The following GULP1 variants were observed in gnomAD, a reference collection of about 807,000 sequenced individuals.
GULP1 encodes PTB domain-containing engulfment adapter protein 1.
In GULP1, 19 loss-of-function variants were observed where a neutral mutation model predicts 40.9. That is an observed-to-expected ratio of 0.46 (90% confidence interval 0.32 to 0.68). GULP1 has a LOEUF of 0.68. Ranked by LOEUF, GULP1 falls within the 30% of genes least tolerant of loss-of-function variation. GULP1 has a pLI of 0.03. For synonymous variants in GULP1, 119 were observed against 117.6 expected (o/e 1.01, Z -0.08); for missense variants, 312 against 362.2 (o/e 0.86, Z 1.12).
intron 2 of GULP1, among the ~76,000 whole-genome samples, chr2:188,442,674 G>C (rs187509886): frequency 3.3e-5 from 5 of 152,264 alleles, no homozygotes; most frequent in African/African-American, 1.2e-4. Flanking sequence ...ATCCAACTCT[G>C]TTTCCTCATC....
chr2:188,443,501 T>C (rs1450092553), intron 2 of GULP1, among the ~76,000 whole-genome samples: 3 of 152,162 alleles, frequency 2.0e-5, no homozygotes, highest in Non-Finnish European at 4.4e-5. Context: ...AGTTTAATGA[T>C]TGACCCTCGA....
chr2:188,538,816 A>G (rs1309137997), intron 6 of GULP1, among the ~76,000 whole-genome samples: 1 of 152,046 alleles, frequency 6.6e-6, no homozygotes, highest in East Asian at 1.9e-4. Context: ...GGACATATAC[A>G]TAAGTGACAC....
At chr2:188,409,205 A>G (rs2053546643) in intron 2 of GULP1, among the ~76,000 whole-genome samples, 1 of 152,180 alleles carries the variant, frequency 6.6e-6, no homozygotes, top group Non-Finnish European at 1.5e-5. Context: ...TTGTTTGTAG[A>G]AAAGCAAAAT....
intron 1 of GULP1, among the ~76,000 whole-genome samples, chr2:188,314,130 T>C (rs1020125592): frequency 9.9e-5 from 15 of 152,210 alleles, no homozygotes; most frequent in South Asian, 4.1e-4. Context: ...GTGGATTCTT[T>C]TGAATTTTCT....
chr2:188,487,565 T>C (rs927880271), intron 4 of GULP1, among the ~76,000 whole-genome samples: 4 of 151,954 alleles, frequency 2.6e-5, no homozygotes, highest in Non-Finnish European at 5.9e-5. Flanking sequence ...GGAAGAAAAG[T>C]ACATAATGAT....
intron 1 of GULP1, among the ~76,000 whole-genome samples, chr2:188,320,278 C>T (rs996903519): frequency 1.2e-4 from 18 of 152,058 alleles, no homozygotes; most frequent in African/African-American, 4.3e-4. Flanking sequence ...AGGTGGCTAT[C>T]CCTGAAACAT....
At chr2:188,557,571 C>T (rs367702129) in intron 7 of GULP1, among the ~76,000 whole-genome samples, 2 of 152,224 alleles carry the variant, frequency 1.3e-5, no homozygotes, top group South Asian at 2.1e-4. Context: ...GTGGCTTTGC[C>T]ATTAAGGTTC....
chr2:188,521,103 C>T (rs1324578274), intron 4 of GULP1, among the ~76,000 whole-genome samples: 1 of 151,768 alleles, frequency 6.6e-6, no homozygotes, highest in Non-Finnish European at 1.5e-5. Flanking sequence ...TCGTGAATCT[C>T]TTTGGTCTTA....
chr2:188,401,984 C>T (rs1320492568), intron 2 of GULP1, among the ~76,000 whole-genome samples: 9 of 152,138 alleles, frequency 5.9e-5, no homozygotes, highest in Non-Finnish European at 8.8e-5. Context: ...ATTAAATCTA[C>T]TTTACATATC....
intron 6 of GULP1, among the ~76,000 whole-genome samples, chr2:188,533,890 C>T (rs1688213313): frequency 6.6e-6 from 1 of 152,108 alleles, no homozygotes; most frequent in Non-Finnish European, 1.5e-5. Flanking sequence ...AAATGCTCCG[C>T]ATCACTAATC....
intron 7 of GULP1, among the ~76,000 whole-genome samples, chr2:188,562,503 G>A (rs1266211021): frequency 1.3e-5 from 2 of 152,104 alleles, no homozygotes; most frequent in Non-Finnish European, 2.9e-5. Context: ...GTGCCAAGAT[G>A]TATTTATGAA....
At position 188,400,820 on chromosome 2, in the gene GULP1, A is replaced by G. The variant is rs144193019; in HGVS notation, c.-45+16931A>G. 3.0e-3 allele frequency among the ~76,000 whole-genome samples: 464 copies of G among 152,210 alleles called. 1 individual carries two copies. The highest frequency in any genetic ancestry group is 6.8e-3 in the Middle Eastern group (2 of 294). On this transcript the variant is annotated intron_variant, in intron 2 of 11. Coordinates refer to ENST00000409830, the MANE Select transcript of GULP1 (RefSeq NM_016315.4). ...AATGGGCTTTGTGTGAATTAGAGAC[A>G]AAGGATGCTAGAGGAATCACATGTA...
At position 188,568,118 on chromosome 2, in the gene GULP1, TA is replaced by T. The variant is rs529115573; in HGVS notation, c.400-1117del. Among the ~76,000 whole-genome samples the T allele has an allele frequency of 1.6e-4, 25 of 152,242 alleles. No individual in the cohort carries two copies. In the East Asian group the frequency reaches 4.6e-3, roughly 28 times the overall value. ...CTAGGTTAAATACTATATTTTTGTC[TA>T]AAACCCTCCTTAAATAATGAACTAT... On this transcript the variant is annotated intron_variant, in intron 7 of 11. Coordinates refer to ENST00000409830, the MANE Select transcript of GULP1 (RefSeq NM_016315.4).
intron 4 of GULP1, among the ~76,000 whole-genome samples, chr2:188,509,725 A>G (rs1327237598): frequency 1.3e-5 from 2 of 152,102 alleles, no homozygotes; most frequent in Admixed American, 1.3e-4. Flanking sequence ...TTACAGCTAG[A>G]AAACTACGCT....
intron 1 of GULP1, among the ~76,000 whole-genome samples, chr2:188,357,780 A>G (rs2045549166): frequency 6.6e-6 from 1 of 152,200 alleles, no homozygotes; most frequent in African/African-American, 2.4e-5. Flanking sequence ...AGATATGTCC[A>G]TTAACAATAG....
intron 7 of GULP1, among the ~76,000 whole-genome samples, chr2:188,559,952 C>T (rs944237646): frequency 9.9e-5 from 15 of 152,130 alleles, no homozygotes; most frequent in Non-Finnish European, 1.9e-4. Context: ...GTCACTGCCA[C>T]GTAAGAAGTG....
chr2:188,594,175 G>A lies in GULP1; in HGVS notation c.*164G>A, dbSNP rs112089791. 5.0e-3 allele frequency: 2,309 copies of A among 457,692 alleles called. 49 individuals carry two copies. Among genetic ancestry groups the A allele is most frequent in the African/African-American group, 0.04 (2,033 of 50,950 alleles). The allele number at this position is 457,692 out of a possible 1,614,324, so 28.4% of individuals were successfully genotyped here. On this transcript the variant is annotated 3_prime_UTR_variant, in exon 12 of 12. Transcript: ENST00000409830. ...ATTTCCTCACCTTCACTATTGATCT[G>A]TAATTTTTATTTTAAAAACAGCTTA...
intron 6 of GULP1, among the ~76,000 whole-genome samples, chr2:188,539,940 A>T (rs1690008286): frequency 6.6e-6 from 1 of 152,118 alleles, no homozygotes. Flanking sequence ...GTAAATTTTT[A>T]TAGCAAGCAC....
At chr2:188,366,167 G>A (rs979103583) in intron 1 of GULP1, among the ~76,000 whole-genome samples, 39 of 152,198 alleles carry the variant, frequency 2.6e-4, no homozygotes, top group African/African-American at 9.2e-4. Context: ...AGAAGGGCCT[G>A]TAAAGGAGGA....
Sources: gnomAD v4.1 joint callset for allele counts (sites outside exome capture counted in the v4.1 genomes callset) on GRCh38, gnomAD v4.1.1 for gene constraint, MANE v1.5 for transcripts, NCBI Gene and HGNC (gene_info 2026-07-23, HGNC 2026-07-21) for gene names.